SLC25A41: variants seen among roughly 807,000 people sequenced by gnomAD.
SLC25A41 encodes the protein mitochondrial carrier protein SCaMC-3L.
SLC25A41 carries 35 observed loss-of-function variants against 34.7 expected under a neutral mutation model. The observed-to-expected ratio is 1.01, with a 90% CI of 0.77 to 1.34. The LOEUF (loss-of-function observed/expected upper bound fraction) is 1.34. Among genes scored for constraint, SLC25A41 ranks in the 40% most tolerant of loss-of-function variants. The probability of loss-of-function intolerance (pLI) is 0.00; values close to 1 mark genes in which losing one functional copy is unlikely to be tolerated. For synonymous variants in SLC25A41, 190 were observed against 209.9 expected, an observed-to-expected ratio of 0.91 and a Z score of 0.82; for missense variants, 492 against 489.8, an observed-to-expected ratio of 1.00 and a Z score of -0.04.
At position 6,427,183 on chromosome 19, in the gene SLC25A41, G is replaced by T; in HGVS notation, c.860C>A (p.Ser287Ter). 6.2e-7 allele frequency: 1 copy of T among 1,612,330 alleles called. No homozygotes were observed. Residue 287 changes from serine to a stop codon, truncating the protein, a stop_gained, in exon 6 of 7, where the codon TCG becomes TAG. Coordinates refer to ENST00000321510, the MANE Select transcript of SLC25A41 (RefSeq NM_173637.4). LOFTEE classifies it high-confidence loss of function. The surrounding 1 kb of genome is among the most constrained non-coding windows in gnomAD (Gnocchi z 4.9). ...ACAGGTCGTGGATAGCGTCACAGAC[G>T]ACAGACTGACCAGGCCACTGGGGTC... ...MGDPSGLVSL[S>*]SVTLSTTCGQ...
rs2092239710 is a variant in SLC25A41, at chr19:6,426,312, C to G, written c.*77G>C. ...CCCCAGGGCCTGAACCTTGAGGCCT[C>G]GAGGGCTCTTTGGGGCCAGGGGTCA... is the stretch of plus-strand genomic sequence containing the variant. On this transcript the variant is annotated 3_prime_UTR_variant, in exon 7 of 7. Coordinates refer to ENST00000321510, the MANE Select transcript of SLC25A41 (RefSeq NM_173637.4). 1 of 1,461,878 alleles carries G rather than the reference C, an allele frequency of 6.8e-7. No homozygotes were observed. Among genetic ancestry groups the G allele is most frequent in the Admixed American group, 2.0e-5 (1 of 49,896 alleles). 90.6% of individuals were successfully genotyped at this position (1,461,878 alleles called of 1,614,324 possible).
Position 6,426,580 on chromosome 19 carries a change from G to C in SLC25A41, c.941-19C>G, listed in dbSNP as rs778743010. Reference sequence around the variant, plus strand: ...ACGGTATCTGCAGGGACACAGGCAAGATCAGGACTAGGCCAGAGATGACCG... The same window carrying C: ...ACGGTATCTGCAGGGACACAGGCAACATCAGGACTAGGCCAGAGATGACCG... On this transcript the variant is annotated intron_variant, in intron 6 of 6. Transcript: ENST00000321510. 4 of 1,609,484 alleles carry C rather than the reference G, an allele frequency of 2.5e-6. No individual in the cohort carries two copies. The highest frequency in any genetic ancestry group is 2.5e-6 in the Non-Finnish European group (3 of 1,177,744).
chr19:6,428,749 T>C (rs1467197678), intron 4 of SLC25A41, among the ~76,000 whole-genome samples: 1 of 145,644 alleles, frequency 6.9e-6, no homozygotes, highest in African/African-American at 2.5e-5. Flanking sequence ...TCTCCCTCTA[T>C]CACCCAGGCT....
Position 6,427,016 on chromosome 19 carries a change from G to T in SLC25A41, c.940+87C>A. ...CTGGGATCAGACACGGAGGGTGCCG[G>T]ACTCAGTTTTGGGGTATGAGAAAAT... On this transcript the variant is annotated intron_variant, in intron 6 of 6. Transcript: ENST00000321510. This position sits in a 1 kb window ranked among gnomAD's most constrained non-coding sequence, Gnocchi z 4.9. 2 of 1,445,096 alleles carry T rather than the reference G, an allele frequency of 1.4e-6. No homozygotes were observed. Among genetic ancestry groups the T allele is most frequent in the Non-Finnish European group, 9.4e-7 (1 of 1,065,882 alleles). 89.5% of individuals were successfully genotyped at this position (1,445,096 alleles called of 1,614,324 possible). A position where few individuals can be genotyped will look rare whatever the true frequency, so the allele number is the denominator to read the frequency against.
rs759947937 is a variant in SLC25A41, at chr19:6,426,301, C to A, written c.*88G>T. 2.0e-4 allele frequency: 223 copies of A among 1,128,138 alleles called. No individual in the cohort carries two copies. Among genetic ancestry groups the A allele is most frequent in the Admixed American group, 4.2e-4 (15 of 35,608 alleles). The allele number at this position is 1,128,138 out of a possible 1,614,324, so 69.9% of individuals were successfully genotyped here. A position where few individuals can be genotyped will look rare whatever the true frequency, so the allele number is the denominator to read the frequency against. ...ACCAAAAACTGCCCCAGGGCCTGAACCTTGAGGCCTCGAGGGCTCTTTGGG... is the reference window on the plus strand; with the variant it reads ...ACCAAAAACTGCCCCAGGGCCTGAAACTTGAGGCCTCGAGGGCTCTTTGGG... On this transcript the variant is annotated 3_prime_UTR_variant, in exon 7 of 7. Transcript: ENST00000321510.
At chr19:6,432,627 A>G (rs966024370) in intron 1 of SLC25A41, among the ~76,000 whole-genome samples, 3 of 149,698 alleles carry the variant, frequency 2.0e-5, no homozygotes, top group African/African-American at 5.0e-5. Flanking sequence ...GTCTCACTCT[A>G]TCGCCCAAGC....
At chr19:6,431,927 G>T in intron 2 of SLC25A41, 122 bp downstream of exon 2, 1 of 1,225,230 alleles carries the variant, frequency 8.2e-7, no homozygotes, top group Non-Finnish European at 1.1e-6. Context: ...GTCCAGGAGA[G>T]CCCAACTCCA....
intron 2 of SLC25A41, among the ~76,000 whole-genome samples, chr19:6,431,270 C>A (rs571618809): frequency 2.6e-5 from 4 of 151,080 alleles, no homozygotes; most frequent in African/African-American, 9.7e-5. Flanking sequence ...ATTTTTTCAG[C>A]CAGGGATCTC....
chr19:6,427,172 G>T lies in SLC25A41; in HGVS notation c.871C>A (p.Leu291Ile). 2.5e-6 allele frequency: 4 copies of T among 1,612,026 alleles called. No homozygotes were observed. Among genetic ancestry groups the T allele is most frequent in the South Asian group, 1.1e-5 (1 of 90,944 alleles). ...SGLVSLSSVT[L>I]STTCGQMASY... ...GCCATCTGGCCACAGGTCGTGGATA[G>T]CGTCACAGACGACAGACTGACCAGG... Residue 291 changes from leucine (L) to isoleucine (I), a missense_variant, in exon 6 of 7, where the codon CTA becomes ATA. Physicochemically the swap from Leu to Ile is conservative, Grantham distance 5. Transcript: ENST00000321510. The surrounding 1 kb of genome is among the most constrained non-coding windows in gnomAD (Gnocchi z 4.9).
rs1463506593 is a variant in SLC25A41, at chr19:6,429,154, T to TATGA, written c.624+569_624+570insTCAT. On this transcript the variant is annotated intron_variant, in intron 4 of 6. Transcript: ENST00000321510. ...GTTATATATATATATAATATATATA[T>TATGA]TATATATATAATATATATATAATAT... 4.5e-5 allele frequency among the ~76,000 whole-genome samples: 2 copies of TATGA among 44,346 alleles called. 1 individual carries two copies. The highest frequency in any genetic ancestry group is 1.0e-3 in the Admixed American group (2 of 1,936). 29.1% of individuals were successfully genotyped at this position (44,346 alleles called of 152,430 possible). A position where few individuals can be genotyped will look rare whatever the true frequency, so the allele number is the denominator to read the frequency against.
rs980495020 is a variant in SLC25A41 at position 6,427,758 on chromosome 19, G to A, written c.625-257C>T. On this transcript the variant is annotated intron_variant, in intron 4 of 6. Transcript: ENST00000321510. This position sits in a 1 kb window ranked among gnomAD's most constrained non-coding sequence, Gnocchi z 4.9. ...TCCCAGCCCTTTGGGAGGCTGAGGC[G>A]GGAGGATCGCTTGAGGCCGGGAGTT... is the stretch of plus-strand genomic sequence containing the variant. 7.9e-5 allele frequency among the ~76,000 whole-genome samples: 12 copies of A among 152,230 alleles called. No individual in the cohort carries two copies. The highest frequency in any genetic ancestry group is 5.2e-4 in the Admixed American group (8 of 15,286).
Position 6,433,486 on chromosome 19 carries a change from C to T in SLC25A41, c.207+1G>A, listed in dbSNP as rs2092294822. 1.2e-6 allele frequency: 2 copies of T among 1,612,156 alleles called. No individual in the cohort carries two copies. Among genetic ancestry groups the T allele is most frequent in the South Asian group, 2.2e-5 (2 of 91,030 alleles). On this transcript the variant is annotated splice_donor_variant, in intron 1 of 6. Coordinates refer to ENST00000321510, the MANE Select transcript of SLC25A41 (RefSeq NM_173637.4). LOFTEE classifies it high-confidence loss of function. ...GGGACACTGGTGTTTCCTAAACTCACCTGCTGTGACGGGAGATGTTCAAGG... is the reference window on the plus strand; with the variant it reads ...GGGACACTGGTGTTTCCTAAACTCATCTGCTGTGACGGGAGATGTTCAAGG...
At chr19:6,429,360 A>AAGAGGCCGGG (rs2092270452) in intron 4 of SLC25A41, among the ~76,000 whole-genome samples, 1 of 3,750 alleles carries the variant, frequency 2.7e-4, no homozygotes, top group Non-Finnish European at 6.4e-4. Context: ...AGGAGGGAGA[A>AAGAGGCCGGG]AGGAGGAGGG....
At chr19:6,432,748 G>A (rs889590856) in intron 1 of SLC25A41, among the ~76,000 whole-genome samples, 2 of 151,242 alleles carry the variant, frequency 1.3e-5, no homozygotes, top group Non-Finnish European at 2.9e-5. Context: ...TCGGCTCACT[G>A]CAACCTCCGC....
At chr19:6,429,133 T>TATATATATGATATATATATG (rs2092265002) in intron 4 of SLC25A41, among the ~76,000 whole-genome samples, 1 of 8,786 alleles carries the variant, frequency 1.1e-4, no homozygotes, top group African/African-American at 6.0e-4. Flanking sequence ...ATATATGTTA[T>TATATATATGATATATATATG]ATATATATAT....
rs370238458 is a variant in SLC25A41 at position 6,432,153 on chromosome 19, C to T, written c.259G>A (p.Asp87Asn). 3.7e-6 allele frequency: 6 copies of T among 1,613,830 alleles called. No individual in the cohort carries two copies. In the African/African-American group the frequency reaches 6.7e-5, roughly 18 times the overall value. The change falls in exon 2 of 7, where the codon GAT becomes AAT. Residue 87 changes from aspartate (D) to asparagine (N), a missense_variant. Asp to Asn is a conservative substitution (Grantham distance 23). Transcript: ENST00000321510. The part of the protein sequence containing the change: ...LMVPVEVLEV[D>N]NKEALWKFLL... ...AACTTCCACAAGGCCTCCTTGTTAT[C>T]CACTTCCAGGACTTCCACGGGGACC...
chr19:6,435,698 T>A (rs900350901), upstream of SLC25A41, among the ~76,000 whole-genome samples: 3 of 151,794 alleles, frequency 2.0e-5, no homozygotes, highest in Non-Finnish European at 4.4e-5. Flanking sequence ...TCTACAAAAA[T>A]TTTTTAAAAT....
At chr19:6,429,894 G>C in intron 3 of SLC25A41, 63 bp from the exon 4 acceptor site, 1 of 1,592,620 alleles carries the variant, frequency 6.3e-7, no homozygotes. Flanking sequence ...AACCCGCGCA[G>C]GGAAGAGGCC....
Position 6,427,457 on chromosome 19 carries a change from C to T in SLC25A41, c.669G>A (p.Lys223=). The change falls in exon 5 of 7, where the codon AAG becomes AAA. Residue 223 remains lysine, a synonymous_variant. Coordinates refer to ENST00000321510, the MANE Select transcript of SLC25A41 (RefSeq NM_173637.4). The surrounding 1 kb of genome is among the most constrained non-coding windows in gnomAD (Gnocchi z 4.9). ...RLTLRRTGQY[K]GLLDCARQIL... ...TCTGCCTGGCGCAGTCCAGCAGCCC[C>T]TTGTACTGGCCCGTCCGACGCAAGG... The T allele has an allele frequency of 1.3e-6, 2 of 1,596,420 alleles. No homozygotes were observed. The highest frequency in any genetic ancestry group is 1.1e-5 in the South Asian group (1 of 89,440).
Sources: gnomAD v4.1 joint callset for allele counts (sites outside exome capture counted in the v4.1 genomes callset) on GRCh38, gnomAD v4.1.1 for gene constraint, Gnocchi (gnomAD v3.1) non-coding constraint, MANE v1.5 for transcripts, NCBI Gene and HGNC (gene_info 2026-07-23, HGNC 2026-07-21) for gene names.